ASXL1: variants seen among roughly 807,000 people sequenced by gnomAD.
ASXL1 encodes ASXL transcriptional regulator 1, also known as polycomb group protein ASXL1.
ASXL1 carries 65 observed loss-of-function variants against 89.1 expected under a neutral mutation model. The ratio of observed to expected loss-of-function variants is 0.73; its 90% CI spans 0.60 to 0.90. The LOEUF (loss-of-function observed/expected upper bound fraction) is 0.90, where lower values mean the gene tolerates loss of function less well. Ranked by LOEUF, ASXL1 falls within the 40% of genes least tolerant of loss-of-function variation. The probability of loss-of-function intolerance (pLI) is 0.00; values close to 1 mark genes in which losing one functional copy is unlikely to be tolerated. For synonymous variants in ASXL1, 739 were observed against 746.9 expected (o/e 0.99, Z 0.17); for missense variants, 1,786 against 1,942.9 (o/e 0.92, Z 1.52).
At position 32,434,910 on chromosome 20, in the gene ASXL1, A is replaced by T. The variant is rs370211132; in HGVS notation, c.2198A>T (p.Gln733Leu). ...AGAAAGGAGGAAAGCTGCCTACTAC[A>T]GAGGGCTACAGTTGGACTCACAGAT... ...SLRKEESCLL[Q>L]RATVGLTDGL... The change falls in exon 13 of 13, where the codon CAG becomes CTG. Residue 733 changes from glutamine to leucine, a missense_variant. Coordinates refer to ENST00000375687, the MANE Select transcript of ASXL1 (RefSeq NM_015338.6). The T allele has an allele frequency of 1.2e-5, 20 of 1,614,098 alleles. No homozygotes were observed. The African/African-American group carries it at 1.9e-4, about 15-fold the overall frequency.
intron 4 of ASXL1, among the ~76,000 whole-genome samples, chr20:32,369,556 G>C (rs1358299197): frequency 1.3e-5 from 2 of 151,148 alleles, no homozygotes; most frequent in African/African-American, 4.9e-5. Flanking sequence ...CTGGCCAGAT[G>C]CTGTTGGTTC....
At chr20:32,425,049 C>T (rs763304348) in intron 4 of ASXL1, among the ~76,000 whole-genome samples, 4 of 152,172 alleles carry the variant, frequency 2.6e-5, no homozygotes, top group South Asian at 4.1e-4. Flanking sequence ...ATTACCTACC[C>T]GTCTTTGCAT....
intron 4 of ASXL1, among the ~76,000 whole-genome samples, chr20:32,394,330 C>T (rs2048724905): frequency 6.6e-6 from 1 of 151,840 alleles, no homozygotes; most frequent in South Asian, 2.1e-4. Context: ...TAGAGATGGG[C>T]TTTTGCCATG....
At chr20:32,424,427 C>T (rs562037671) in intron 4 of ASXL1, among the ~76,000 whole-genome samples, 4 of 152,118 alleles carry the variant, frequency 2.6e-5, no homozygotes, top group Admixed American at 1.3e-4. Context: ...CCCAGCTGCT[C>T]GGGAGGCTGA....
intron 4 of ASXL1, among the ~76,000 whole-genome samples, chr20:32,387,441 A>G (rs1026787535): frequency 6.6e-6 from 1 of 152,184 alleles, no homozygotes; most frequent in Admixed American, 6.5e-5. Context: ...GCTCTTAAAT[A>G]CTACTGGCGA....
At chr20:32,378,835 A>G (rs1250175703) in intron 4 of ASXL1, among the ~76,000 whole-genome samples, 2 of 151,902 alleles carry the variant, frequency 1.3e-5, no homozygotes, top group Non-Finnish European at 1.5e-5. Flanking sequence ...TCAACTAAAT[A>G]TAGTTAAATA....
rs1168960916 is a variant in ASXL1 at position 32,431,692 on chromosome 20, G to C, written c.979+13G>C. 6.2e-7 allele frequency: 1 copy of C among 1,611,724 alleles called. No individual in the cohort carries two copies. Among genetic ancestry groups the C allele is most frequent in the Non-Finnish European group, 8.5e-7 (1 of 1,179,870 alleles). On this transcript the variant is annotated intron_variant, in intron 10 of 12. Coordinates refer to ENST00000375687, the MANE Select transcript of ASXL1 (RefSeq NM_015338.6). The stretch of plus-strand genomic sequence containing the variant: ...CGCCTGGCTGATGGTATGTAGACTT[G>C]GTCATCTCGGACGGCTTGCGACGCA...
At chr20:32,408,104 T>C (rs958003482) in intron 4 of ASXL1, among the ~76,000 whole-genome samples, 1 of 152,048 alleles carries the variant, frequency 6.6e-6, no homozygotes, top group Non-Finnish European at 1.5e-5. Context: ...TGCCTATTTT[T>C]CTATTTTTAG....
intron 1 of ASXL1, 146 bp from the exon 2 acceptor site, chr20:32,366,238 A>T: frequency 1.4e-6 from 1 of 724,114 alleles, no homozygotes; most frequent in Non-Finnish European, 2.4e-6. Context: ...ATATATGTGT[A>T]ATTTGATTTC....
intron 4 of ASXL1, among the ~76,000 whole-genome samples, chr20:32,392,299 C>T (rs1230008397): frequency 6.2e-5 from 9 of 145,652 alleles, no homozygotes; most frequent in African/African-American, 2.4e-4. Flanking sequence ...TTTTTTTTTC[C>T]GAGATGGAGA....
rs1432875871 is a variant in ASXL1 at position 32,433,363 on chromosome 20, CCAGGAGAATCAGTGCGTATA to C, written c.1169_1188del (p.Gly390AlafsTer13). On this transcript the variant is annotated frameshift_variant, in exon 12 of 13. Transcript: ENST00000375687. LOFTEE classifies it high-confidence loss of function. ...TGAAATCAAAAGTGGCTTGTGTGTC[CCAGGAGAATCAGTGCGTATA>C]CAGCGTGGTCCAGCCACCCGACAGC... 6.2e-7 allele frequency: 1 copy of C among 1,614,088 alleles called. No individual in the cohort carries two copies. The highest frequency in any genetic ancestry group is 8.5e-7 in the Non-Finnish European group (1 of 1,180,020).
intron 4 of ASXL1, among the ~76,000 whole-genome samples, chr20:32,400,257 C>T (rs767905712): frequency 3.1e-4 from 47 of 151,746 alleles, no homozygotes; most frequent in Non-Finnish European, 6.2e-4. Flanking sequence ...TTTTCCTTGC[C>T]TCTTGCCTGG....
At chr20:32,431,927 A>G (rs2011528586) in intron 10 of ASXL1, among the ~76,000 whole-genome samples, 1 of 152,196 alleles carries the variant, frequency 6.6e-6, no homozygotes. Context: ...CCTTTTTATC[A>G]TTAAAACTAT....
chr20:32,395,185 T>C (rs1386761461), intron 4 of ASXL1, among the ~76,000 whole-genome samples: 1 of 152,208 alleles, frequency 6.6e-6, no homozygotes, highest in African/African-American at 2.4e-5. Flanking sequence ...AATGTGTTTC[T>C]TGTAGTGTAG....
In ASXL1 at chr20:32,426,541, C is replaced by CTTTTTT. The variant is rs1014372390; in HGVS notation, c.253-1584_253-1579dup. On this transcript the variant is annotated intron_variant, in intron 4 of 12. Coordinates refer to ENST00000375687, the MANE Select transcript of ASXL1 (RefSeq NM_015338.6). ...AGGTAAAGATGTAGAAAACTGTTTT[C>CTTTTTT]TTTTTTTTCTTTCTTTTTTTTTTTT... Among the ~76,000 whole-genome samples the CTTTTTT allele has an allele frequency of 4.0e-3, 372 of 92,484 alleles. 55 individuals are homozygous for CTTTTTT. Among genetic ancestry groups the CTTTTTT allele is most frequent in the East Asian group, 0.011 (20 of 1,872 alleles). The allele number at this position is 92,484 out of a possible 152,430, so 60.7% of individuals were successfully genotyped here.
chr20:32,406,454 G>A (rs547851097), intron 4 of ASXL1, among the ~76,000 whole-genome samples: 1 of 152,274 alleles, frequency 6.6e-6, no homozygotes, highest in East Asian at 1.9e-4. Context: ...AGGAGGCTGA[G>A]GTGGGAGGAT....
Position 32,436,148 on chromosome 20 carries a change from T to TC in ASXL1, c.3437dup (p.Leu1147AlafsTer17). 1 of 1,614,198 alleles carries TC rather than the reference T, an allele frequency of 6.2e-7. No homozygotes were observed. The highest frequency in any genetic ancestry group is 8.5e-7 in the Non-Finnish European group (1 of 1,180,042). ...ACTTACAAAAGACCAGAGCCATGGC[T>TC]CGCTACGCATGGGATCTTTACATGG... On this transcript the variant is annotated frameshift_variant, in exon 13 of 13. Coordinates refer to ENST00000375687, the MANE Select transcript of ASXL1 (RefSeq NM_015338.6). LOFTEE classifies it high-confidence loss of function.
At chr20:32,414,294 A>G (rs2049099145) in intron 4 of ASXL1, among the ~76,000 whole-genome samples, 1 of 150,848 alleles carries the variant, frequency 6.6e-6, no homozygotes, top group Admixed American at 6.6e-5. Flanking sequence ...GACTCTCTTA[A>G]TGGAGCTTCT....
intron 4 of ASXL1, among the ~76,000 whole-genome samples, chr20:32,380,653 C>T (rs964609121): frequency 4.6e-5 from 7 of 151,916 alleles, no homozygotes; most frequent in East Asian, 1.9e-4. Context: ...GGGGAGCTGA[C>T]GTGAGAGGAT....
Sources: gnomAD v4.1 joint callset for allele counts (sites outside exome capture counted in the v4.1 genomes callset) on GRCh38, gnomAD v4.1.1 for gene constraint, MANE v1.5 for transcripts, NCBI Gene and HGNC (gene_info 2026-07-23, HGNC 2026-07-21) for gene names.